SGMS1: variants seen among roughly 807,000 people sequenced by gnomAD.
SGMS1 encodes phosphatidylcholine:ceramide cholinephosphotransferase 1.
In SGMS1, 13 loss-of-function variants were observed where a neutral mutation model predicts 46.2. The observed-to-expected ratio is 0.28, with a 90% CI of 0.18 to 0.45. SGMS1 has a LOEUF of 0.45. Among genes scored for constraint, SGMS1 ranks in the 20% least tolerant of loss-of-function variants. The probability of loss-of-function intolerance (pLI) is 1.00; values close to 1 mark genes in which losing one functional copy is unlikely to be tolerated. For missense variants in SGMS1, 324 were observed against 519.9 expected (o/e 0.62, Z 3.66); for synonymous variants, 203 against 187.8 (o/e 1.08, Z -0.66).
chr10:50,526,788 C>T (rs181609399), intron 2 of SGMS1, among the ~76,000 whole-genome samples: 5 of 152,024 alleles, frequency 3.3e-5, no homozygotes, highest in East Asian at 1.9e-4. Flanking sequence ...ACTGGCTGGC[C>T]GGGCACGGTG....
At chr10:50,608,848 A>C (rs1042566751) in intron 1 of SGMS1, among the ~76,000 whole-genome samples, 1 of 152,190 alleles carries the variant, frequency 6.6e-6, no homozygotes. Context: ...GTGGATGCTC[A>C]AGTCCATCAT....
At chr10:50,556,803 C>T (rs542224107) in intron 2 of SGMS1, among the ~76,000 whole-genome samples, 66 of 152,284 alleles carry the variant, frequency 4.3e-4, no homozygotes, top group Non-Finnish European at 8.2e-4. Flanking sequence ...TTCTTGCTTG[C>T]TTAGCAATCA....
chr10:50,335,468 G>A (rs7342075), intron 7 of SGMS1: 2 of 152,314 alleles, frequency 1.3e-5, no homozygotes, highest in South Asian at 4.1e-4. Context: ...TTGTAGGTAA[G>A]GAAACAATGC....
chr10:50,484,531 C>A (rs1473440856), intron 3 of SGMS1, among the ~76,000 whole-genome samples: 1 of 152,150 alleles, frequency 6.6e-6, no homozygotes, highest in Non-Finnish European at 1.5e-5. Flanking sequence ...AGAAACTCCT[C>A]CCTAACTCAT....
rs1338418656 is a variant in SGMS1 at position 50,380,179 on chromosome 10, G to C, written c.-231-35834C>G. Among the ~76,000 whole-genome samples the C allele has an allele frequency of 2.6e-5, 4 of 151,992 alleles. No individual in the cohort carries two copies. In the South Asian group the frequency reaches 8.3e-4, roughly 32 times the overall value. On this transcript the variant is annotated intron_variant, in intron 6 of 10. Coordinates refer to ENST00000361781, the MANE Select transcript of SGMS1 (RefSeq NM_147156.4). ...GCGGATCACCTGAGGTCAGATGTTTGAGACCAGCCTGGCCAACACAGTAAA... is the reference window on the plus strand; with the variant it reads ...GCGGATCACCTGAGGTCAGATGTTTCAGACCAGCCTGGCCAACACAGTAAA...
Position 50,327,066 on chromosome 10 carries a change from T to C in SGMS1, c.741+139A>G, listed in dbSNP as rs927903539. ...TGGGAAGGGTGGGGCTGCCTGGCCA[T>C]ATCATTTAGTAACATTCTCAGATAG... On this transcript the variant is annotated intron_variant, in intron 8 of 10. Coordinates refer to ENST00000361781, the MANE Select transcript of SGMS1 (RefSeq NM_147156.4). 7.3e-6 allele frequency: 4 copies of C among 545,554 alleles called. No homozygotes were observed. The East Asian group carries it at 1.3e-4, about 17-fold the overall frequency. The allele number at this position is 545,554 out of a possible 1,614,324, so 33.8% of individuals were successfully genotyped here.
chr10:50,475,758 C>A (rs994598084), intron 3 of SGMS1, among the ~76,000 whole-genome samples: 2 of 152,008 alleles, frequency 1.3e-5, no homozygotes, highest in African/African-American at 4.8e-5. Context: ...TGTAGCATCT[C>A]CCCAACCATT....
chr10:50,343,471 T>C, intron 7 of SGMS1, 21 bp downstream of exon 7: 1 of 1,563,648 alleles, frequency 6.4e-7, no homozygotes, highest in Admixed American at 2.0e-5. Context: ...CATTGAATCT[T>C]AGAGCTTTTA....
intron 2 of SGMS1, among the ~76,000 whole-genome samples, chr10:50,568,464 G>GC (rs1838309060): frequency 1.3e-5 from 2 of 152,160 alleles, no homozygotes; most frequent in Admixed American, 1.3e-4. Context: ...CTATGTCTAA[G>GC]CCCATCCCTT....
In SGMS1 at chr10:50,537,454, G is replaced by GAT. The variant is rs71457579; in HGVS notation, c.-588-17535_-588-17534dup. Among the ~76,000 whole-genome samples the GAT allele has an allele frequency of 6.8e-5, 10 of 147,270 alleles. No homozygotes were observed. The South Asian group carries it at 8.5e-4, about 12-fold the overall frequency. ...TTTTTTTTCTTTATATATATATATA[G>GAT]ATATATATATATTTTATTATACTTT... On this transcript the variant is annotated intron_variant, in intron 2 of 10. Transcript: ENST00000361781.
chr10:50,394,941 G>A (rs984463577), intron 6 of SGMS1, among the ~76,000 whole-genome samples: 1 of 152,080 alleles, frequency 6.6e-6, no homozygotes, highest in Non-Finnish European at 1.5e-5. Context: ...ATACCATCAC[G>A]AACTAATCAT....
At chr10:50,601,521 G>A (rs999792363) in intron 1 of SGMS1, among the ~76,000 whole-genome samples, 64 of 152,300 alleles carry the variant, frequency 4.2e-4, no homozygotes, top group African/African-American at 1.3e-3. Context: ...ACCTCTTGTA[G>A]CCAAAGTGAG....
At chr10:50,568,459 T>C (rs1838309034) in intron 2 of SGMS1, among the ~76,000 whole-genome samples, 1 of 152,210 alleles carries the variant, frequency 6.6e-6, no homozygotes, top group Admixed American at 6.5e-5. Flanking sequence ...CTTCACTATG[T>C]CTAAGCCCAT....
At chr10:50,564,547 C>A (rs546630512) in intron 2 of SGMS1, among the ~76,000 whole-genome samples, 2 of 152,300 alleles carry the variant, frequency 1.3e-5, no homozygotes, top group African/African-American at 4.8e-5. Flanking sequence ...TGGGCATACA[C>A]CCCGTAGCAA....
At chr10:50,360,620 G>A (rs1030150123) in intron 6 of SGMS1, among the ~76,000 whole-genome samples, 1 of 152,092 alleles carries the variant, frequency 6.6e-6, no homozygotes, top group Non-Finnish European at 1.5e-5. Context: ...TGTAGAACTT[G>A]GACACGGATT....
intron 1 of SGMS1, among the ~76,000 whole-genome samples, chr10:50,608,455 C>T (rs1434989173): frequency 2.0e-5 from 3 of 152,220 alleles, no homozygotes; most frequent in East Asian, 3.9e-4. Context: ...CAGCCTTGGG[C>T]GGTCAGCACA....
chr10:50,452,350 G>A (rs796717530), intron 5 of SGMS1, among the ~76,000 whole-genome samples: 2 of 152,208 alleles, frequency 1.3e-5, no homozygotes, highest in African/African-American at 4.8e-5. Context: ...AGACTGCGCT[G>A]TACCTAAGTT....
At chr10:50,527,563 C>T (rs533361615) in intron 2 of SGMS1, among the ~76,000 whole-genome samples, 10 of 152,098 alleles carry the variant, frequency 6.6e-5, no homozygotes, top group Non-Finnish European at 1.3e-4. Flanking sequence ...CCACTTGATA[C>T]GCTGCCTCTC....
chr10:50,496,337 G>T (rs2133748912), intron 3 of SGMS1, among the ~76,000 whole-genome samples: 1 of 152,268 alleles, frequency 6.6e-6, no homozygotes, highest in Middle Eastern at 3.4e-3. Flanking sequence ...GCTGGTCAAT[G>T]GCTGTTCTTT....
Sources: gnomAD v4.1 joint callset for allele counts (sites outside exome capture counted in the v4.1 genomes callset) on GRCh38, gnomAD v4.1.1 for gene constraint, MANE v1.5 for transcripts, NCBI Gene and HGNC (gene_info 2026-07-23, HGNC 2026-07-21) for gene names.